The following MALRD1 variants were observed in gnomAD, a reference collection of about 807,000 sequenced individuals.
The protein encoded by MALRD1 is MAM and LDL receptor class A domain containing 1.
A neutral mutation model predicts 242.1 loss-of-function variants in MALRD1; 247 were observed. The ratio of observed to expected loss-of-function variants is 1.02; its 90% CI spans 0.92 to 1.13. The LOEUF (loss-of-function observed/expected upper bound fraction) is 1.13. Ranked by LOEUF, MALRD1 falls within the 50% of genes most tolerant of loss-of-function variation. The pLI, the probability that MALRD1 is intolerant of heterozygous loss-of-function variation, is 0.00. For synonymous variants in MALRD1, 995 were observed against 866.6 expected, an observed-to-expected ratio of 1.15 and a Z score of -2.60; for missense variants, 2,989 against 2,533.1, an observed-to-expected ratio of 1.18 and a Z score of -3.86.
chr10:19,695,089 G>A lies in MALRD1; in HGVS notation c.6314+2535G>A, dbSNP rs532480704. Among the ~76,000 whole-genome samples the A allele has an allele frequency of 3.2e-4, 48 of 152,164 alleles. 1 individual carries two copies. The South Asian group carries it at 9.8e-3, about 31-fold the overall frequency. On this transcript the variant is annotated intron_variant, in intron 38 of 39. Coordinates refer to ENST00000454679, the MANE Select transcript of MALRD1 (RefSeq NM_001142308.3). ...GCCTGTCATGGGGTGGGGCTAGTGG[G>A]GAGGCATAGCATTAGGAGATATACC...
intron 34 of MALRD1, among the ~76,000 whole-genome samples, chr10:19,596,018 A>C (rs368948850): frequency 6.6e-6 from 1 of 152,310 alleles, no homozygotes; most frequent in East Asian, 1.9e-4. Context: ...CAGTCTTGGC[A>C]GAAGTTATTT....
intron 18 of MALRD1, among the ~76,000 whole-genome samples, chr10:19,228,713 G>A (rs192771142): frequency 1.2e-4 from 19 of 152,114 alleles, no homozygotes; most frequent in South Asian, 4.2e-4. Context: ...TTAGGATGTC[G>A]TTACAGCTAT....
At chr10:19,483,534 T>C (rs1332042960) in intron 29 of MALRD1, among the ~76,000 whole-genome samples, 1 of 152,140 alleles carries the variant, frequency 6.6e-6, no homozygotes, top group African/African-American at 2.4e-5. Context: ...TCAACGAACA[T>C]GAAAAATGTT....
chr10:19,321,157 G>A (rs1369930091), intron 21 of MALRD1, among the ~76,000 whole-genome samples: 1 of 152,102 alleles, frequency 6.6e-6, no homozygotes, highest in Admixed American at 6.6e-5. Context: ...CTTGTGTCCT[G>A]AAGGAGTCTT....
chr10:19,048,891 G>A lies in MALRD1; in HGVS notation c.-48G>A. The A allele has an allele frequency of 8.4e-7, 1 of 1,190,338 alleles. No individual in the cohort carries two copies. The highest frequency in any genetic ancestry group is 1.1e-6 in the Non-Finnish European group (1 of 948,700). The allele number at this position is 1,190,338 out of a possible 1,614,324, so 73.7% of individuals were successfully genotyped here. On this transcript the variant is annotated 5_prime_UTR_variant, in exon 1 of 40. The change abolishes an upstream ATG in the 5' untranslated region. Transcript: ENST00000454679. ...GAAATAAAAGAATGTTTCCAATGAT[G>A]GACTTACTTATTACAACTGCTTGAT...
intron 29 of MALRD1, among the ~76,000 whole-genome samples, chr10:19,483,303 T>A (rs563607697): frequency 4.6e-5 from 7 of 151,216 alleles, no homozygotes; most frequent in African/African-American, 1.7e-4. Context: ...AAACAGAAAT[T>A]GACAAATGGA....
At chr10:19,120,040 A>G (rs1837006200) in intron 5 of MALRD1, among the ~76,000 whole-genome samples, 2 of 152,226 alleles carry the variant, frequency 1.3e-5, no homozygotes, top group Admixed American at 6.5e-5. Flanking sequence ...GTTGGAGTCC[A>G]CAAAAATTTT....
chr10:19,127,395 A>G (rs1018123312), intron 7 of MALRD1, among the ~76,000 whole-genome samples: 4 of 152,176 alleles, frequency 2.6e-5, no homozygotes, highest in African/African-American at 9.6e-5. Context: ...TATTATGCTT[A>G]GTATTTGCTG....
chr10:19,729,507 G>T (rs1264717813), intron 38 of MALRD1, among the ~76,000 whole-genome samples: 6 of 148,268 alleles, frequency 4.0e-5, no homozygotes, highest in Non-Finnish European at 9.0e-5. Context: ...ATTCTCCATT[G>T]TGTGTGTGTG....
At chr10:19,655,637 T>C (rs1841120916) in intron 36 of MALRD1, among the ~76,000 whole-genome samples, 1 of 150,424 alleles carries the variant, frequency 6.6e-6, no homozygotes, top group Non-Finnish European at 1.5e-5. Flanking sequence ...GTGAGATATA[T>C]CTAGACATAC....
intron 28 of MALRD1, among the ~76,000 whole-genome samples, chr10:19,428,104 C>T (rs757429354): frequency 7.2e-5 from 11 of 151,854 alleles, no homozygotes; most frequent in Non-Finnish European, 1.2e-4. Flanking sequence ...TTTGACCCAG[C>T]GTCACTTTCC....
intron 28 of MALRD1, among the ~76,000 whole-genome samples, chr10:19,426,801 A>G (rs997987665): frequency 1.3e-5 from 2 of 152,140 alleles, no homozygotes; most frequent in East Asian, 1.9e-4. Context: ...AAACAAACAA[A>G]CAAAAACATT....
Position 19,348,182 on chromosome 10 carries a change from G to T in MALRD1, c.4149+164G>T, listed in dbSNP as rs192214757. Among the ~76,000 whole-genome samples, 9 of 152,254 alleles carry T rather than the reference G, an allele frequency of 5.9e-5. No homozygotes were observed. The East Asian group carries it at 1.7e-3, about 29-fold the overall frequency. Reference sequence around the variant, plus strand: ...GGGGGGAAAAAATGAAGTTCAGAATGAAGGGGAAGGATTGCTATAACTGTT... The same window carrying T: ...GGGGGGAAAAAATGAAGTTCAGAATTAAGGGGAAGGATTGCTATAACTGTT... On this transcript the variant is annotated intron_variant, in intron 25 of 39. Coordinates refer to ENST00000454679, the MANE Select transcript of MALRD1 (RefSeq NM_001142308.3).
rs933461864 is a variant in MALRD1 at position 19,331,639 on chromosome 10, A to G, written c.3901+57A>G. 6.7e-6 allele frequency: 9 copies of G among 1,341,070 alleles called. No homozygotes were observed. The South Asian group carries it at 7.7e-5, about 11-fold the overall frequency. The allele number at this position is 1,341,070 out of a possible 1,614,324, so 83.1% of individuals were successfully genotyped here. On this transcript the variant is annotated intron_variant, in intron 24 of 39. Transcript: ENST00000454679. Reference sequence around the variant, plus strand: ...GCCTTCAACTCCCACAGCCTTACTCAATATCTGTGTTTATTGTTGAAACAT... The same window carrying G: ...GCCTTCAACTCCCACAGCCTTACTCGATATCTGTGTTTATTGTTGAAACAT...
intron 26 of MALRD1, among the ~76,000 whole-genome samples, chr10:19,371,489 T>C: frequency 7.1e-6 from 1 of 140,218 alleles, no homozygotes; most frequent in Admixed American, 6.9e-5. Context: ...TTTGTTTTGT[T>C]TTGTTTTTTG....
intron 31 of MALRD1, among the ~76,000 whole-genome samples, chr10:19,527,206 T>C (rs1016775906): frequency 3.9e-5 from 6 of 152,190 alleles, no homozygotes; most frequent in African/African-American, 1.4e-4. Flanking sequence ...CTGAGAACTC[T>C]AAAGATGTTG....
chr10:19,297,404 G>T (rs1334073288), intron 21 of MALRD1, among the ~76,000 whole-genome samples: 2 of 151,346 alleles, frequency 1.3e-5, no homozygotes, highest in South Asian at 2.1e-4. Flanking sequence ...TTTTCTTTAG[G>T]TAACTAAAAA....
rs564870782 is a variant in MALRD1 at position 19,308,089 on chromosome 10, A to G, written c.3420-15860A>G. Among the ~76,000 whole-genome samples, 3 of 151,646 alleles carry G rather than the reference A, an allele frequency of 2.0e-5. No individual in the cohort carries two copies. The South Asian group carries it at 6.2e-4, about 31-fold the overall frequency. Reference sequence around the variant, plus strand: ...GTACAATTAAGTTATTATCGGCTGTAGTCACCCCAGTGTGCTGTCAAGTAG... The same window carrying G: ...GTACAATTAAGTTATTATCGGCTGTGGTCACCCCAGTGTGCTGTCAAGTAG... On this transcript the variant is annotated intron_variant, in intron 21 of 39. Coordinates refer to ENST00000454679, the MANE Select transcript of MALRD1 (RefSeq NM_001142308.3).
At chr10:19,489,288 C>A (rs1275945987) in intron 29 of MALRD1, 2 of 496,052 alleles carry the variant, frequency 4.0e-6, no homozygotes, top group Non-Finnish European at 8.2e-6. Flanking sequence ...GGAAAACAGG[C>A]CTAAGTGGCT....
Sources: gnomAD v4.1 joint callset for allele counts (sites outside exome capture counted in the v4.1 genomes callset) on GRCh38, gnomAD v4.1.1 for gene constraint, MANE v1.5 for transcripts, NCBI Gene and HGNC (gene_info 2026-07-23, HGNC 2026-07-21) for gene names.